The following ARID1A variants were observed in gnomAD, a reference collection of about 807,000 sequenced individuals.
The protein encoded by ARID1A is AT-rich interactive domain-containing protein 1A.
Under a neutral mutation model 212.6 loss-of-function variants are expected in ARID1A, and 20 were observed. The observed-to-expected ratio is 0.09, with a 90% CI of 0.07 to 0.14. The LOEUF is 0.14. ARID1A is among the 10% of genes least tolerant of loss of function. The pLI, the probability that ARID1A is intolerant of heterozygous loss-of-function variation, is 1.00. For missense variants in ARID1A, 2,587 were observed against 3,059.0 expected, an observed-to-expected ratio of 0.85 and a Z score of 3.64; for synonymous variants, 1,376 against 1,222.1, an observed-to-expected ratio of 1.13 and a Z score of -2.63.
At chr1:26,712,652 G>T (rs1001172035) in intron 1 of ARID1A, among the ~76,000 whole-genome samples, 3 of 152,138 alleles carry the variant, frequency 2.0e-5, no homozygotes, top group African/African-American at 7.2e-5. Context: ...ACCTGATTGT[G>T]CTATTGGACT....
intron 1 of ARID1A, among the ~76,000 whole-genome samples, chr1:26,711,478 C>CAGA (rs2080453569): frequency 6.6e-6 from 1 of 152,128 alleles, no homozygotes; most frequent in Non-Finnish European, 1.5e-5. Flanking sequence ...ATGACTTAAT[C>CAGA]TAACCCTAAT....
At chr1:26,754,517 C>T (rs1213370605) in intron 4 of ARID1A, among the ~76,000 whole-genome samples, 1 of 152,074 alleles carries the variant, frequency 6.6e-6, no homozygotes, top group East Asian at 1.9e-4. Context: ...TGCATATGCC[C>T]CAGGGGTGTC....
intron 4 of ARID1A, among the ~76,000 whole-genome samples, chr1:26,740,450 G>C (rs2080777506): frequency 6.6e-6 from 1 of 152,206 alleles, no homozygotes; most frequent in Non-Finnish European, 1.5e-5. Context: ...GTATGAGCTA[G>C]ATGTGGATGT....
Position 26,766,266 on chromosome 1 carries a change from T to C in ARID1A, c.2778T>C (p.Thr926=), listed in dbSNP as rs532423268. The C allele has an allele frequency of 4.6e-5, 75 of 1,614,170 alleles. 1 individual carries two copies. In the South Asian group the frequency reaches 7.9e-4, roughly 17 times the overall value. ...PNMNQGGMMG[T]GPPYGQGINS... ...TGAATCAAGGGGGCATGATGGGAAC[T>C]GGACCTCCTTATGGACAAGGGATTA... The change falls in exon 9 of 20, where the codon ACT becomes ACC. Residue 926 remains threonine (T), a synonymous_variant. Coordinates refer to ENST00000324856, the MANE Select transcript of ARID1A (RefSeq NM_006015.6).
chr1:26,734,348 T>A (rs531015584), intron 4 of ARID1A, among the ~76,000 whole-genome samples: 1 of 150,646 alleles, frequency 6.6e-6, no homozygotes, highest in South Asian at 2.1e-4. Context: ...GGCTTCTTTT[T>A]TTTTTTTTTT....
rs1316586208 is a variant in ARID1A, at chr1:26,774,980, G to T, written c.4753G>T (p.Val1585Leu). 2 of 1,543,764 alleles carry T rather than the reference G, an allele frequency of 1.3e-6. No homozygotes were observed. Among genetic ancestry groups the T allele is most frequent in the Non-Finnish European group, 1.7e-6 (2 of 1,148,242 alleles). Reference protein sequence around the residue: ...PPSMQNHIPQVSSPAPLPRPM... With the variant: ...PPSMQNHIPQLSSPAPLPRPM... ...AAGCATGCAGAATCACATTCCTCAGGTATCCAGCCCTGCTCCCCTGCCCCG... is the reference window on the plus strand; with the variant it reads ...AAGCATGCAGAATCACATTCCTCAGTTATCCAGCCCTGCTCCCCTGCCCCG... The change falls in exon 18 of 20, where the codon GTA becomes TTA. Residue 1585 changes from valine (V) to leucine (L), a missense_variant. By Grantham distance (32) the Val-to-Leu change is conservative. Coordinates refer to ENST00000324856, the MANE Select transcript of ARID1A (RefSeq NM_006015.6). This position sits in a 1 kb window ranked among gnomAD's most constrained non-coding sequence, Gnocchi z 5.6.
chr1:26,714,281 A>T (rs2080480762), intron 1 of ARID1A, among the ~76,000 whole-genome samples: 1 of 142,628 alleles, frequency 7.0e-6, no homozygotes, highest in Middle Eastern at 3.7e-3. Context: ...TGAGGTTGGT[A>T]TGTACCAGCA....
chr1:26,730,649 A>G (rs1437480340), intron 2 of ARID1A, among the ~76,000 whole-genome samples: 1 of 152,168 alleles, frequency 6.6e-6, no homozygotes, highest in Non-Finnish European at 1.5e-5. Context: ...TGCCTGGTAC[A>G]AGTAATTGAG....
At chr1:26,702,437 A>C (rs2080340003) in intron 1 of ARID1A, among the ~76,000 whole-genome samples, 1 of 152,216 alleles carries the variant, frequency 6.6e-6, no homozygotes, top group South Asian at 2.1e-4. Flanking sequence ...AAAAGGGTAG[A>C]GGGAACAGTG....
chr1:26,708,360 C>G (rs1424527764), intron 1 of ARID1A, among the ~76,000 whole-genome samples: 2 of 132,340 alleles, frequency 1.5e-5, no homozygotes. Context: ...TCTCGGCTCA[C>G]TGTAACCTCT....
rs2081081047 is a variant in ARID1A at position 26,771,335 on chromosome 1, G to A, written c.3406+9G>A. On this transcript the variant is annotated intron_variant, in intron 12 of 19. Transcript: ENST00000324856. This position sits in a 1 kb window ranked among gnomAD's most constrained non-coding sequence, Gnocchi z 5.4. ...CCAGCCTCCCTCTCCTGGTAAGGAT[G>A]GGGTCAGCGGCCCCACCAAGGCTGA... 6.2e-7 allele frequency: 1 copy of A among 1,613,712 alleles called. No homozygotes were observed. Among genetic ancestry groups the A allele is most frequent in the Non-Finnish European group, 8.5e-7 (1 of 1,179,728 alleles).
chr1:26,739,710 C>T (rs1381890661), intron 4 of ARID1A, among the ~76,000 whole-genome samples: 1 of 152,176 alleles, frequency 6.6e-6, no homozygotes, highest in Non-Finnish European at 1.5e-5. Flanking sequence ...CTTGCCCTGC[C>T]AGTACCACCC....
intron 1 of ARID1A, among the ~76,000 whole-genome samples, chr1:26,699,301 A>G (rs189567275): frequency 1.4e-3 from 217 of 152,240 alleles, no homozygotes; most frequent in African/African-American, 5.0e-3. Flanking sequence ...CTTTTCTTCC[A>G]TCTTCATCAT....
intron 1 of ARID1A, among the ~76,000 whole-genome samples, chr1:26,707,408 C>A (rs983737230): frequency 6.6e-6 from 1 of 151,876 alleles, no homozygotes; most frequent in African/African-American, 2.4e-5. Context: ...GGGGTTTCAT[C>A]ATGCTGGCCA....
chr1:26,773,926 G>A (rs760167757), intron 17 of ARID1A, 28 bp downstream of exon 17: 1 of 1,606,482 alleles, frequency 6.2e-7, no homozygotes, highest in South Asian at 1.1e-5. Flanking sequence ...GAATGGACTG[G>A]CATGCAGGTT....
chr1:26,731,653 C>G (rs2124790793), intron 3 of ARID1A, 49 bp downstream of exon 3: 1 of 1,573,124 alleles, frequency 6.4e-7, no homozygotes, highest in South Asian at 1.1e-5. Flanking sequence ...CTACAGACAG[C>G]TTGGGGGTTA....
At chr1:26,723,378 C>G (rs1175714619) in intron 1 of ARID1A, among the ~76,000 whole-genome samples, 1 of 152,192 alleles carries the variant, frequency 6.6e-6, no homozygotes, top group Non-Finnish European at 1.5e-5. Context: ...CAGCTGTCGC[C>G]TGTCCCTGGA....
At position 26,775,132 on chromosome 1, in the gene ARID1A, T is replaced by A. The variant is rs904900469; in HGVS notation, c.4905T>A (p.Ile1635=). 3 of 1,613,908 alleles carry A rather than the reference T, an allele frequency of 1.9e-6. No homozygotes were observed. The highest frequency in any genetic ancestry group is 2.5e-6 in the Non-Finnish European group (3 of 1,179,978). The change falls in exon 18 of 20, where the codon ATT becomes ATA. Residue 1635 remains isoleucine, a synonymous_variant. Coordinates refer to ENST00000324856, the MANE Select transcript of ARID1A (RefSeq NM_006015.6). The stretch of plus-strand genomic sequence containing the variant: ...CTGCCCCTGTGCAGCCCCCCATGAT[T>A]CGGCGGGATATCACCTTCCCACCTG... ...IAPAPVQPPM[I]RRDITFPPGS...
chr1:26,751,446 C>G (rs2080884517), intron 4 of ARID1A, among the ~76,000 whole-genome samples: 1 of 152,084 alleles, frequency 6.6e-6, no homozygotes, highest in Admixed American at 6.5e-5. Flanking sequence ...GGAACCCAGC[C>G]TTTGATCATG....
Sources: gnomAD v4.1 joint callset for allele counts (sites outside exome capture counted in the v4.1 genomes callset) on GRCh38, gnomAD v4.1.1 for gene constraint, Gnocchi (gnomAD v3.1) non-coding constraint, MANE v1.5 for transcripts, NCBI Gene and HGNC (gene_info 2026-07-23, HGNC 2026-07-21) for gene names.